Variants in CDH12 observed in about 807,000 individuals in gnomAD.
The protein encoded by CDH12 is cadherin 12, also known as cadherin-12.
Under a neutral mutation model 74.1 loss-of-function variants are expected in CDH12, and 41 were observed. The observed-to-expected ratio is 0.55, with a 90% confidence interval of 0.43 to 0.72. The LOEUF (loss-of-function observed/expected upper bound fraction) is 0.72. CDH12 is among the 30% of genes least tolerant of loss of function. The pLI is 0.00. For missense variants in CDH12, 945 were observed against 977.2 expected, an observed-to-expected ratio of 0.97 and a Z score of 0.44; for synonymous variants, 399 against 355.0, an observed-to-expected ratio of 1.12 and a Z score of -1.39.
intron 1 of CDH12, among the ~76,000 whole-genome samples, chr5:22,644,272 T>C (rs988822253): frequency 6.6e-6 from 1 of 152,112 alleles, no homozygotes; most frequent in Non-Finnish European, 1.5e-5. Flanking sequence ...GTGAGCAAAG[T>C]TGTGAATGCA....
intron 11 of CDH12, among the ~76,000 whole-genome samples, chr5:21,774,184 G>A (rs762174946): frequency 1.1e-4 from 17 of 152,134 alleles, no homozygotes; most frequent in Non-Finnish European, 2.1e-4. Context: ...CTCAGTCTGG[G>A]TGGGCACCAT....
At chr5:21,862,939 C>T (rs1158133670) in intron 6 of CDH12, among the ~76,000 whole-genome samples, 5 of 152,068 alleles carry the variant, frequency 3.3e-5, no homozygotes, top group Non-Finnish European at 7.4e-5. Context: ...CTCCTTCAGC[C>T]CCTTCAGTTC....
intron 5 of CDH12, among the ~76,000 whole-genome samples, chr5:21,983,378 G>A (rs1450214181): frequency 6.6e-6 from 1 of 151,846 alleles, no homozygotes. Context: ...TTTCTTTGTT[G>A]GTAAAGAGCC....
At chr5:22,389,883 C>T (rs533295661) in intron 3 of CDH12, among the ~76,000 whole-genome samples, 10 of 152,010 alleles carry the variant, frequency 6.6e-5, no homozygotes, top group Non-Finnish European at 1.2e-4. Flanking sequence ...CTCCTGACCT[C>T]GTGATCTGCC....
At chr5:22,477,772 GA>G (rs1158243436) in intron 2 of CDH12, among the ~76,000 whole-genome samples, 2 of 152,104 alleles carry the variant, frequency 1.3e-5, no homozygotes, top group African/African-American at 4.8e-5. Flanking sequence ...AAAACCTCAT[GA>G]GCAATAAGGA....
intron 2 of CDH12, among the ~76,000 whole-genome samples, chr5:22,465,066 G>C (rs1745673768): frequency 6.7e-6 from 1 of 149,228 alleles, no homozygotes; most frequent in African/African-American, 2.4e-5. Context: ...GGGGGGGAAA[G>C]AGAGAGAGAG....
At chr5:22,817,810 C>G (rs76421350) in intron 1 of CDH12, among the ~76,000 whole-genome samples, 117 of 152,176 alleles carry the variant, frequency 7.7e-4, no homozygotes, top group African/African-American at 2.6e-3. Context: ...TGTAGGGAGG[C>G]AATACTGGCA....
At chr5:22,253,259 C>G (rs1753194490) in intron 3 of CDH12, among the ~76,000 whole-genome samples, 1 of 151,838 alleles carries the variant, frequency 6.6e-6, no homozygotes, top group Non-Finnish European at 1.5e-5. Context: ...GTTCAAGGTA[C>G]AGCATGACTT....
chr5:22,765,338 G>C (rs1291855017), intron 1 of CDH12, among the ~76,000 whole-genome samples: 1 of 151,944 alleles, frequency 6.6e-6, no homozygotes, highest in Non-Finnish European at 1.5e-5. Flanking sequence ...CAATGGGTAT[G>C]ATGGTTGTAG....
At chr5:22,157,833 AC>A (rs1346856001) in intron 4 of CDH12, among the ~76,000 whole-genome samples, 1 of 152,086 alleles carries the variant, frequency 6.6e-6, no homozygotes, top group Non-Finnish European at 1.5e-5. Flanking sequence ...AATCTCACAT[AC>A]TTTTAAGCAT....
chr5:22,403,620 A>G (rs946783356), intron 3 of CDH12, among the ~76,000 whole-genome samples: 3 of 152,212 alleles, frequency 2.0e-5, no homozygotes, highest in Admixed American at 6.5e-5. Flanking sequence ...CCAATGAAAG[A>G]TCACAGAGCA....
At chr5:22,204,186 T>G (rs1310805874) in intron 4 of CDH12, among the ~76,000 whole-genome samples, 5 of 151,796 alleles carry the variant, frequency 3.3e-5, no homozygotes, top group African/African-American at 1.2e-4. Flanking sequence ...GTTTTTTGTT[T>G]TTTTGAGACG....
intron 4 of CDH12, among the ~76,000 whole-genome samples, chr5:22,153,907 CACACAT>C (rs1228985282): frequency 4.0e-5 from 4 of 99,474 alleles, no homozygotes; most frequent in South Asian, 3.6e-4. Flanking sequence ...TATATATACA[CACACAT>C]ACACACACAC....
chr5:21,828,484 C>G (rs1748807007), intron 8 of CDH12, among the ~76,000 whole-genome samples: 1 of 152,278 alleles, frequency 6.6e-6, no homozygotes, highest in East Asian at 1.9e-4. Flanking sequence ...TGACTTCTCA[C>G]TGGTTTTCTT....
At position 22,340,525 on chromosome 5, in the gene CDH12, CA is replaced by C. The variant is rs35157556; in HGVS notation, c.-333+64731del. ...TGGGCAACAGAAGGAGACTCCGTCT[CA>C]AAAAAAAAAAAAAAATCTGTTTTTC... is the stretch of plus-strand genomic sequence containing the variant. On this transcript the variant is annotated intron_variant, in intron 3 of 14. Transcript: ENST00000382254. Among the ~76,000 whole-genome samples the C allele has an allele frequency of 2.1e-3, 280 of 130,550 alleles. 2 individuals carry two copies. In the East Asian group the frequency reaches 0.027, roughly 13 times the overall value. 85.6% of individuals were successfully genotyped at this position (130,550 alleles called of 152,430 possible).
Position 21,765,064 on chromosome 5 carries a change from T to G in CDH12, c.1429A>C (p.Ile477Leu). 6.2e-7 allele frequency: 1 copy of G among 1,607,118 alleles called. No individual in the cohort carries two copies. The highest frequency in any genetic ancestry group is 8.5e-7 in the Non-Finnish European group (1 of 1,175,494). ...AATTCATTTACATCTAAGACATTAA[T>G]CAGTATATTGACTTTGCTGGTCAAT... is the stretch of plus-strand genomic sequence containing the variant. ...PLLTSKVNIL[I>L]NVLDVNEFPP... Residue 477 changes from isoleucine to leucine, a missense_variant, in exon 12 of 15, where the codon ATT (isoleucine) becomes CTT (leucine). Ile to Leu is a conservative substitution (Grantham distance 5, BLOSUM62 2). Transcript: ENST00000382254.
At chr5:22,515,454 A>G (rs1438225845) in intron 1 of CDH12, among the ~76,000 whole-genome samples, 1 of 152,146 alleles carries the variant, frequency 6.6e-6, no homozygotes, top group Non-Finnish European at 1.5e-5. Flanking sequence ...TAGGAAAGAA[A>G]TATTGATCAA....
At chr5:21,831,299 T>C (rs962144069) in intron 8 of CDH12, among the ~76,000 whole-genome samples, 4 of 152,162 alleles carry the variant, frequency 2.6e-5, no homozygotes, top group Admixed American at 2.6e-4. Context: ...GTATCATACA[T>C]GTAACTACAA....
intron 1 of CDH12, among the ~76,000 whole-genome samples, chr5:22,509,168 T>A (rs907486364): frequency 3.3e-5 from 5 of 152,184 alleles, no homozygotes; most frequent in Admixed American, 2.0e-4. Flanking sequence ...GACAGGCATA[T>A]AATTAACTTG....
Sources: allele counts gnomAD v4.1 joint callset (sites outside exome capture counted in the v4.1 genomes callset), GRCh38; gene constraint gnomAD v4.1.1; transcripts MANE v1.5; gene names NCBI Gene and HGNC (gene_info 2026-07-23, HGNC 2026-07-21).